The following CNTN1 variants were observed in gnomAD, a reference collection of about 807,000 sequenced individuals.
The protein encoded by CNTN1 is contactin 1.
CNTN1 carries 38 observed loss-of-function variants against 126.4 expected under a neutral mutation model. That is an observed-to-expected ratio of 0.30 (90% confidence interval 0.23 to 0.39). The LOEUF (loss-of-function observed/expected upper bound fraction) is 0.39, where lower values mean the gene tolerates loss of function less well. Among genes scored for constraint, CNTN1 ranks in the 10% least tolerant of loss-of-function variants. CNTN1 has a pLI of 1.00. For missense variants in CNTN1, 1,009 were observed against 1,248.4 expected (o/e 0.81, Z 2.89); for synonymous variants, 413 against 422.6 (o/e 0.98, Z 0.28).
chr12:40,959,425 TTTTG>T (rs550160477), intron 15 of CNTN1, among the ~76,000 whole-genome samples, 191 bp downstream of exon 15: 167 of 152,200 alleles, frequency 1.1e-3, no homozygotes, highest in Admixed American at 1.8e-3. Context: ...ACAACACTGA[TTTTG>T]TTTGTTTTAC....
chr12:41,064,769 CTAGA>C (rs59729389), intron 23 of CNTN1, among the ~76,000 whole-genome samples: 286 of 150,712 alleles, frequency 1.9e-3, no homozygotes, highest in African/African-American at 4.2e-3. Context: ...TGCTACCTCT[CTAGA>C]TAGATAGATA....
At chr12:40,888,486 A>C (rs1233263448) in intron 1 of CNTN1, among the ~76,000 whole-genome samples, 1 of 152,208 alleles carries the variant, frequency 6.6e-6, no homozygotes, top group Non-Finnish European at 1.5e-5. Flanking sequence ...TGGAAACATA[A>C]TTCAGTCTGT....
At chr12:40,697,035 T>C (rs1349859495) in intron 1 of CNTN1, among the ~76,000 whole-genome samples, 4 of 152,240 alleles carry the variant, frequency 2.6e-5, no homozygotes, top group African/African-American at 7.2e-5. Context: ...CAATATTCTA[T>C]GATAGATCTT....
chr12:41,062,807 T>C lies in CNTN1; in HGVS notation c.2981-7152T>C, dbSNP rs557797404. On this transcript the variant is annotated intron_variant, in intron 23 of 23. Transcript: ENST00000551295. ...ACATACCTCTTCTTCTTTTAATGTT[T>C]GTTTTTATATATTTCTGCCACAAAA... Among the ~76,000 whole-genome samples the C allele has an allele frequency of 2.0e-5, 3 of 152,358 alleles. No individual in the cohort carries two copies. The East Asian group carries it at 5.8e-4, about 29-fold the overall frequency.
intron 23 of CNTN1, among the ~76,000 whole-genome samples, chr12:41,044,897 T>C (rs1949507960): frequency 6.6e-6 from 1 of 152,136 alleles, no homozygotes; most frequent in Non-Finnish European, 1.5e-5. Flanking sequence ...GTGTTTCTCT[T>C]ACCTGTAAGT....
At chr12:40,862,624 C>T (rs1029978114) in intron 1 of CNTN1, among the ~76,000 whole-genome samples, 14 of 152,120 alleles carry the variant, frequency 9.2e-5, no homozygotes, top group African/African-American at 3.1e-4. Flanking sequence ...TTCTTTGAAG[C>T]TTTCAGCATC....
chr12:40,934,271 G>A (rs1946003453), intron 9 of CNTN1, among the ~76,000 whole-genome samples: 1 of 151,922 alleles, frequency 6.6e-6, no homozygotes, highest in Non-Finnish European at 1.5e-5. Context: ...AAAATCACAT[G>A]GAGGGCTTGT....
chr12:40,720,403 C>A (rs889709387), intron 1 of CNTN1, among the ~76,000 whole-genome samples: 5 of 111,552 alleles, frequency 4.5e-5, no homozygotes, highest in Non-Finnish European at 1.0e-4. Context: ...ACACTCATCT[C>A]AAAGGGGTGT....
intron 23 of CNTN1, among the ~76,000 whole-genome samples, chr12:41,045,781 AG>A (rs1949527508): frequency 6.6e-6 from 1 of 152,134 alleles, no homozygotes. Context: ...AAAATCATCC[AG>A]ACCAAAACAA....
At chr12:40,903,408 T>G (rs1301619537) in intron 1 of CNTN1, among the ~76,000 whole-genome samples, 2 of 132,902 alleles carry the variant, frequency 1.5e-5, no homozygotes, top group East Asian at 2.5e-4. Flanking sequence ...TTTTTTTGCC[T>G]CTGTCACTTC....
At chr12:40,874,092 G>T (rs1307452536) in intron 1 of CNTN1, among the ~76,000 whole-genome samples, 1 of 151,972 alleles carries the variant, frequency 6.6e-6, no homozygotes, top group Non-Finnish European at 1.5e-5. Flanking sequence ...AGGAGTTTGG[G>T]TTCAAATCCC....
intron 14 of CNTN1, among the ~76,000 whole-genome samples, chr12:40,958,584 G>A (rs543352108): frequency 1.3e-5 from 2 of 152,044 alleles, no homozygotes; most frequent in South Asian, 2.1e-4. Context: ...TCTTGTCCTC[G>A]CAGAACTTAT....
intron 1 of CNTN1, among the ~76,000 whole-genome samples, chr12:40,832,518 G>C (rs1216364201): frequency 1.3e-5 from 2 of 152,178 alleles, no homozygotes; most frequent in African/African-American, 4.8e-5. Context: ...GTATGAAGTA[G>C]GCTAGACCAT....
intron 1 of CNTN1, among the ~76,000 whole-genome samples, chr12:40,886,577 T>C (rs1944039934): frequency 6.6e-6 from 1 of 152,182 alleles, no homozygotes; most frequent in Admixed American, 6.5e-5. Context: ...TTTAATTAGA[T>C]CCCATTTGTC....
chr12:40,724,768 A>G (rs1443493304), intron 1 of CNTN1, among the ~76,000 whole-genome samples: 1 of 152,230 alleles, frequency 6.6e-6, no homozygotes, highest in Admixed American at 6.5e-5. Context: ...CTGGTATCGA[A>G]AATAAACCAA....
chr12:40,819,593 G>C (rs913652683), intron 1 of CNTN1, among the ~76,000 whole-genome samples: 14 of 152,268 alleles, frequency 9.2e-5, no homozygotes, highest in South Asian at 2.1e-4. Context: ...CCCCCGCCCA[G>C]GGAGCTTAGC....
rs79198771 is a variant in CNTN1 at position 40,947,037 on chromosome 12, T to C, written c.1683+2867T>C. 3.4e-3 allele frequency among the ~76,000 whole-genome samples: 514 copies of C among 151,956 alleles called. 13 individuals carry two copies. The East Asian group carries it at 0.059, about 18-fold the overall frequency. On this transcript the variant is annotated intron_variant, in intron 14 of 23. Coordinates refer to ENST00000551295, the MANE Select transcript of CNTN1 (RefSeq NM_001843.4). ...TAAAGATGTATATTTCTTTTAAGAGTTTAATGGGAACACCAAAAAAGCAAA... is the reference window on the plus strand; with the variant it reads ...TAAAGATGTATATTTCTTTTAAGAGCTTAATGGGAACACCAAAAAAGCAAA...
chr12:40,699,157 G>A (rs1367013757), intron 1 of CNTN1, among the ~76,000 whole-genome samples: 2 of 152,138 alleles, frequency 1.3e-5, no homozygotes, highest in Non-Finnish European at 2.9e-5. Context: ...TCCACCGTAA[G>A]TCCTTGAGGA....
intron 1 of CNTN1, among the ~76,000 whole-genome samples, chr12:40,779,008 T>C (rs1939693721): frequency 6.8e-6 from 1 of 146,644 alleles, no homozygotes; most frequent in Non-Finnish European, 1.5e-5. Context: ...TTAGGCAGCA[T>C]ATTGTTATGG....
Sources: allele counts gnomAD v4.1 joint callset (sites outside exome capture counted in the v4.1 genomes callset), GRCh38; gene constraint gnomAD v4.1.1; transcripts MANE v1.5; gene names NCBI Gene and HGNC (gene_info 2026-07-23, HGNC 2026-07-21).